Variants in GRIP1 observed in about 807,000 individuals in gnomAD.
GRIP1 encodes glutamate receptor interacting protein 1.
In GRIP1, 45 loss-of-function variants were observed where a neutral mutation model predicts 129.9. The observed-to-expected ratio is 0.35, with a 90% CI of 0.27 to 0.44. GRIP1 has a LOEUF of 0.44. GRIP1 is among the 20% of genes least tolerant of loss of function. The probability of loss-of-function intolerance (pLI) is 1.00; values close to 1 mark genes in which losing one functional copy is unlikely to be tolerated. For synonymous variants in GRIP1, 530 were observed against 520.8 expected (o/e 1.02, Z -0.24); for missense variants, 1,196 against 1,396.8 (o/e 0.86, Z 2.29).
intron 1 of GRIP1, among the ~76,000 whole-genome samples, chr12:66,893,820 T>C (rs1462975160): frequency 6.6e-6 from 1 of 152,194 alleles, no homozygotes; most frequent in Non-Finnish European, 1.5e-5. Flanking sequence ...AAAGGTCATG[T>C]TAAATCACCT....
Position 67,041,469 on chromosome 12 carries a change from T to C in GRIP1, c.58+27581A>G, listed in dbSNP as rs182093765. On this transcript the variant is annotated intron_variant, in intron 1 of 1. Transcript: ENST00000643019. ...CTACAGTTACTTTTATTATTATTTATAATCATCATCATTACTACACTATTA... is the reference window on the plus strand; with the variant it reads ...CTACAGTTACTTTTATTATTATTTACAATCATCATCATTACTACACTATTA... Among the ~76,000 whole-genome samples, 3 of 152,274 alleles carry C rather than the reference T, an allele frequency of 2.0e-5. No individual in the cohort carries two copies. The East Asian group carries it at 5.8e-4, about 29-fold the overall frequency.
intron 1 of GRIP1, among the ~76,000 whole-genome samples, chr12:66,690,483 G>A (rs1303776916): frequency 4.0e-5 from 6 of 151,528 alleles, no homozygotes; most frequent in East Asian, 2.0e-4. Context: ...CAATTAACAC[G>A]GAGGGTACAG....
At chr12:66,929,961 A>T (rs920130009) in intron 1 of GRIP1, among the ~76,000 whole-genome samples, 3 of 151,570 alleles carry the variant, frequency 2.0e-5, no homozygotes, top group African/African-American at 7.3e-5. Flanking sequence ...CTCCAATGTA[A>T]ATTTTAATTC....
At chr12:66,801,108 G>T (rs1342832014) in intron 1 of GRIP1, among the ~76,000 whole-genome samples, 3 of 151,986 alleles carry the variant, frequency 2.0e-5, no homozygotes, top group Non-Finnish European at 4.4e-5. Context: ...TGGAAATCAA[G>T]CAAAGTTCAA....
chr12:66,887,686 C>A (rs1169906968), intron 1 of GRIP1, among the ~76,000 whole-genome samples: 1 of 152,148 alleles, frequency 6.6e-6, no homozygotes, highest in Non-Finnish European at 1.5e-5. Flanking sequence ...AATACAAAAT[C>A]TCTTAAGAAA....
intron 1 of GRIP1, among the ~76,000 whole-genome samples, chr12:66,821,237 A>G (rs762405438): frequency 2.0e-5 from 3 of 152,222 alleles, no homozygotes; most frequent in Non-Finnish European, 4.4e-5. Context: ...GTAAAATTAT[A>G]AACTTGGTAG....
intron 16 of GRIP1, among the ~76,000 whole-genome samples, chr12:66,401,609 T>TATATACAC (rs1169241331): frequency 9.1e-6 from 1 of 110,176 alleles, no homozygotes; most frequent in African/African-American, 3.7e-5. Context: ...TATATATATA[T>TATATACAC]ACACACACAC....
At chr12:66,907,982 G>T (rs1163564650) in intron 1 of GRIP1, among the ~76,000 whole-genome samples, 1 of 151,808 alleles carries the variant, frequency 6.6e-6, no homozygotes, top group Non-Finnish European at 1.5e-5. Flanking sequence ...AGCAAAATTG[G>T]GTTACCCAAA....
intron 1 of GRIP1, among the ~76,000 whole-genome samples, chr12:67,055,400 A>C (rs920590316): frequency 5.1e-4 from 75 of 145,902 alleles, no homozygotes; most frequent in African/African-American, 1.6e-3. Context: ...ATATGGCCAC[A>C]GGTGAAGCAG....
chr12:66,348,952 A>G lies in GRIP1; in HGVS notation c.*67T>C. On this transcript the variant is annotated 3_prime_UTR_variant, in exon 25 of 25. Transcript: ENST00000359742. ...TGATTATCTGTGCTTCAAAGGTCAC[A>G]GAAATCTTAAAGGATTTTTAGCACC... 8.8e-7 allele frequency: 1 copy of G among 1,140,608 alleles called. No individual in the cohort carries two copies. The highest frequency in any genetic ancestry group is 1.2e-5 in the South Asian group (1 of 81,698). The allele number at this position is 1,140,608 out of a possible 1,614,324, so 70.7% of individuals were successfully genotyped here.
At chr12:67,066,227 T>G (rs904059161) in intron 1 of GRIP1, among the ~76,000 whole-genome samples, 1 of 152,140 alleles carries the variant, frequency 6.6e-6, no homozygotes, top group Non-Finnish European at 1.5e-5. Context: ...TGAAATTACA[T>G]AGAACAACCA....
intron 1 of GRIP1, among the ~76,000 whole-genome samples, chr12:66,597,568 G>T (rs117456883): frequency 0.01 from 1,528 of 152,246 alleles, 13 homozygotes; most frequent in Non-Finnish European, 0.017. Flanking sequence ...GACATATATT[G>T]CAATGAGCTG....
At chr12:66,771,531 C>A (rs893875252) in intron 1 of GRIP1, among the ~76,000 whole-genome samples, 1 of 152,226 alleles carries the variant, frequency 6.6e-6, no homozygotes, top group East Asian at 1.9e-4. Flanking sequence ...TATGTTAAGG[C>A]TGAATTAAAT....
chr12:66,653,198 TTAAAA>T (rs1317352043), intron 1 of GRIP1, among the ~76,000 whole-genome samples: 8 of 152,084 alleles, frequency 5.3e-5, no homozygotes, highest in Admixed American at 3.3e-4. Flanking sequence ...ATTTCTAAAC[TTAAAA>T]TAAAAAAAAA....
chr12:66,371,158 A>AT (rs561040544), intron 23 of GRIP1, among the ~76,000 whole-genome samples: 63,791 of 134,992 alleles, frequency 0.47, 15,891 homozygotes, highest in East Asian at 0.69. Context: ...GCCATAAATA[A>AT]TTTTTTTTTT....
chr12:66,479,677 C>T lies in GRIP1; in HGVS notation c.725-14255G>A, dbSNP rs530173360. Among the ~76,000 whole-genome samples the T allele has an allele frequency of 1.1e-4, 17 of 152,184 alleles. No homozygotes were observed. The South Asian group carries it at 3.5e-3, about 32-fold the overall frequency. On this transcript the variant is annotated intron_variant, in intron 7 of 24. Coordinates refer to ENST00000359742, the MANE Select transcript of GRIP1 (RefSeq NM_001366722.1). ...ATCAATATGAAAATCCTCAATAAAACTCTGACAAACTTAATACAGCAGCAC... is the reference window on the plus strand; with the variant it reads ...ATCAATATGAAAATCCTCAATAAAATTCTGACAAACTTAATACAGCAGCAC...
At chr12:66,673,086 GGTTTCTATCC>G (rs1229141066) in intron 1 of GRIP1, among the ~76,000 whole-genome samples, 1 of 152,064 alleles carries the variant, frequency 6.6e-6, no homozygotes, top group Non-Finnish European at 1.5e-5. Context: ...GCAGGTCTAT[GGTTTCTATCC>G]GTTTCTAGAA....
intron 1 of GRIP1, among the ~76,000 whole-genome samples, chr12:66,729,276 T>C (rs561654070): frequency 6.6e-6 from 1 of 152,284 alleles, no homozygotes; most frequent in East Asian, 1.9e-4. Context: ...TATTTAATTT[T>C]AGGTTTTTGG....
intron 1 of GRIP1, among the ~76,000 whole-genome samples, chr12:66,675,886 A>G (rs2034303262): frequency 6.6e-6 from 1 of 152,152 alleles, no homozygotes; most frequent in East Asian, 1.9e-4. Flanking sequence ...CTCTTGTTCT[A>G]CATTGGTAGG....
Sources: gnomAD v4.1 joint callset for allele counts (sites outside exome capture counted in the v4.1 genomes callset) on GRCh38, gnomAD v4.1.1 for gene constraint, MANE v1.5 for transcripts, NCBI Gene and HGNC (gene_info 2026-07-23, HGNC 2026-07-21) for gene names.